KIF15: variants seen among roughly 807,000 people sequenced by gnomAD.
The protein encoded by KIF15 is kinesin family member 15, also known as kinesin-like protein KIF15.
A neutral mutation model predicts 190.6 loss-of-function variants in KIF15; 140 were observed. That is an observed-to-expected ratio of 0.73 (90% confidence interval 0.64 to 0.84). KIF15 has a LOEUF of 0.84. Among genes scored for constraint, KIF15 ranks in the 40% least tolerant of loss-of-function variants. The probability of loss-of-function intolerance (pLI) is 0.00; values close to 1 mark genes in which losing one functional copy is unlikely to be tolerated. For missense variants in KIF15, 1,372 were observed against 1,584.4 expected, an observed-to-expected ratio of 0.87 and a Z score of 2.28; for synonymous variants, 528 against 551.3, an observed-to-expected ratio of 0.96 and a Z score of 0.59.
At position 44,786,377 on chromosome 3, in the gene KIF15, GA is replaced by G; in HGVS notation, c.460-17del. Reference sequence around the variant, plus strand: ...ACACATGAAAATAATGTATCTAAATGAGGCTTCTTTTTTACAGGCTGGAGCT... The same window carrying G: ...ACACATGAAAATAATGTATCTAAATGGGCTTCTTTTTTACAGGCTGGAGCT... On this transcript the variant is annotated splice_polypyrimidine_tract_variant and intron_variant, in intron 6 of 34. Coordinates refer to ENST00000326047, the MANE Select transcript of KIF15 (RefSeq NM_020242.3). The G allele has an allele frequency of 1.3e-6, 2 of 1,585,574 alleles. No homozygotes were observed. The highest frequency in any genetic ancestry group is 1.7e-6 in the Non-Finnish European group (2 of 1,163,000).
At chr3:44,767,105 C>T (rs914848129) in intron 1 of KIF15, among the ~76,000 whole-genome samples, 5 of 152,038 alleles carry the variant, frequency 3.3e-5, no homozygotes, top group African/African-American at 4.8e-5. Context: ...CCACCGTGCC[C>T]GGCCAACTTT....
At chr3:44,829,728 G>GTA (rs1553658950) in intron 24 of KIF15, among the ~76,000 whole-genome samples, 8 of 131,836 alleles carry the variant, frequency 6.1e-5, no homozygotes, top group Non-Finnish European at 7.8e-5. Context: ...TATTATAGAT[G>GTA]TATATATTAT....
intron 20 of KIF15, among the ~76,000 whole-genome samples, chr3:44,824,940 TG>T (rs1697562041): frequency 6.6e-6 from 1 of 152,016 alleles, no homozygotes; most frequent in African/African-American, 2.4e-5. Context: ...TTGTATTTTT[TG>T]TAGAGACAGA....
At chr3:44,856,721 T>C (rs1311458528), downstream of KIF15, among the ~76,000 whole-genome samples, 1 of 152,152 alleles carries the variant, frequency 6.6e-6, no homozygotes, top group Non-Finnish European at 1.5e-5. Flanking sequence ...GCCCTTGCAG[T>C]GTATGACTCC....
chr3:44,797,399 C>CT, intron 8 of KIF15, 152 bp from the exon 9 acceptor site: 1 of 727,770 alleles, frequency 1.4e-6, no homozygotes. Flanking sequence ...TTCAGCACTT[C>CT]TTTTTTATTT....
intron 33 of KIF15, 44 bp downstream of exon 33, chr3:44,851,996 A>G (rs1360624941): frequency 6.3e-7 from 1 of 1,575,482 alleles, no homozygotes; most frequent in South Asian, 1.2e-5. Flanking sequence ...AGAACACTCA[A>G]ATGAATAGAA....
intron 10 of KIF15, 70 bp from the exon 11 acceptor site, chr3:44,800,244 C>T: frequency 3.5e-6 from 5 of 1,443,712 alleles, no homozygotes; most frequent in Non-Finnish European, 4.8e-6. Flanking sequence ...TCATACCAAA[C>T]AAATGTAAAC....
intron 33 of KIF15, 127 bp downstream of exon 33, chr3:44,852,079 G>A: frequency 7.0e-7 from 1 of 1,424,654 alleles, no homozygotes; most frequent in East Asian, 2.3e-5. Context: ...GAAGAGTTGT[G>A]AGGCCTTGAA....
intron 26 of KIF15, among the ~76,000 whole-genome samples, chr3:44,837,877 C>T (rs1698403997): frequency 6.6e-6 from 1 of 152,122 alleles, no homozygotes; most frequent in Non-Finnish European, 1.5e-5. Context: ...GATGGAGGCT[C>T]ATCTTCACAG....
In KIF15 at chr3:44,829,624, T is replaced by A. The variant is rs1202430554; in HGVS notation, c.2944-347T>A. On this transcript the variant is annotated intron_variant, in intron 24 of 34. Coordinates refer to ENST00000326047, the MANE Select transcript of KIF15 (RefSeq NM_020242.3). ...TATGCATATATATTATATATGTATA[T>A]ACATTATATATGTATATATTATATA... is the stretch of plus-strand genomic sequence containing the variant. 5.8e-5 allele frequency among the ~76,000 whole-genome samples: 3 copies of A among 52,140 alleles called. No individual in the cohort carries two copies. The East Asian group carries it at 4.3e-3, about 74-fold the overall frequency. The allele number at this position is 52,140 out of a possible 152,430, so 34.2% of individuals were successfully genotyped here.
At chr3:44,817,208 G>A (rs1708068746) in intron 20 of KIF15, among the ~76,000 whole-genome samples, 1 of 152,016 alleles carries the variant, frequency 6.6e-6, no homozygotes, top group Non-Finnish European at 1.5e-5. Context: ...CACTCTGATG[G>A]TCATTTCTTT....
intron 13 of KIF15, among the ~76,000 whole-genome samples, chr3:44,802,245 G>C (rs577851277): frequency 2.6e-5 from 4 of 152,330 alleles, no homozygotes; most frequent in Admixed American, 2.0e-4. Context: ...GTGGTTATCT[G>C]AGTCAGTAGG....
At chr3:44,836,065 G>A (rs1698293594) in intron 26 of KIF15, among the ~76,000 whole-genome samples, 1 of 152,120 alleles carries the variant, frequency 6.6e-6, no homozygotes, top group African/African-American at 2.4e-5. Flanking sequence ...ACAAAAGGAG[G>A]GATGGGCACG....
intron 5 of KIF15, among the ~76,000 whole-genome samples, chr3:44,784,589 C>G (rs1159172717): frequency 2.6e-5 from 4 of 152,262 alleles, no homozygotes; most frequent in South Asian, 4.1e-4. Context: ...CAGTATGGGG[C>G]CAAGGCCTGG....
At chr3:44,793,466 G>A (rs920216234) in intron 7 of KIF15, among the ~76,000 whole-genome samples, 1 of 152,154 alleles carries the variant, frequency 6.6e-6, no homozygotes, top group Non-Finnish European at 1.5e-5. Flanking sequence ...CAAATAAAGC[G>A]TGGCAAAACC....
downstream of KIF15, among the ~76,000 whole-genome samples, chr3:44,856,129 G>T (rs139255919): frequency 0.019 from 2,861 of 152,136 alleles, 76 homozygotes; most frequent in African/African-American, 0.064. Context: ...GAATTATGGC[G>T]GACAAAAGGG....
At chr3:44,861,793 G>T in intron 6 of KIF15, 1 of 1,076,874 alleles carries the variant, frequency 9.3e-7, no homozygotes. Context: ...CGAGGCGCCG[G>T]AGAGCGATTC....
intron 6 of KIF15, chr3:44,862,840 A>G (rs1230933156): frequency 6.6e-6 from 1 of 151,856 alleles, no homozygotes; most frequent in Non-Finnish European, 1.5e-5. Context: ...TTTAGGGTTA[A>G]GCCTATTTAG....
chr3:44,799,840 T>C (rs1707181077), intron 10 of KIF15, among the ~76,000 whole-genome samples: 1 of 151,316 alleles, frequency 6.6e-6, no homozygotes, highest in African/African-American at 2.4e-5. Context: ...GTCGGATTCC[T>C]CTGGAGAAGG....
Sources: gnomAD v4.1 joint callset for allele counts (sites outside exome capture counted in the v4.1 genomes callset) on GRCh38, gnomAD v4.1.1 for gene constraint, MANE v1.5 for transcripts, NCBI Gene and HGNC (gene_info 2026-07-23, HGNC 2026-07-21) for gene names.